The following FREM2 variants were observed in gnomAD, a reference collection of about 807,000 sequenced individuals.
FREM2 encodes FRAS1 related extracellular matrix 2.
Under a neutral mutation model 219.9 loss-of-function variants are expected in FREM2, and 119 were observed. The ratio of observed to expected loss-of-function variants is 0.54; its 90% CI spans 0.47 to 0.63. The LOEUF is 0.63. Ranked by LOEUF, FREM2 falls within the 30% of genes least tolerant of loss-of-function variation. The pLI is 0.00. For synonymous variants in FREM2, 1,562 were observed against 1,522.8 expected (o/e 1.03, Z -0.60); for missense variants, 4,030 against 3,993.6 (o/e 1.01, Z -0.25).
chr13:38,885,961 T>C lies in FREM2; in HGVS notation c.*5174T>C, dbSNP rs902819977. The C allele has an allele frequency of 6.6e-6, 1 of 152,222 alleles. No homozygotes were observed. The highest frequency in any genetic ancestry group is 2.4e-5 in the African/African-American group (1 of 41,474). 9.4% of individuals were successfully genotyped at this position (152,222 alleles called of 1,614,324 possible). A position where few individuals can be genotyped will look rare whatever the true frequency, so the allele number is the denominator to read the frequency against. On this transcript the variant is annotated 3_prime_UTR_variant, in exon 24 of 24. Transcript: ENST00000280481. ...AACAGCGTTGAAGTTTTTAAAATTA[T>C]AATTATCAAATGCACAATGTTCTTT...
chr13:38,830,730 TTTTCCTCTTCAATGCTGCCAAGCA>T (rs145216575), intron 6 of FREM2, among the ~76,000 whole-genome samples: 2,745 of 152,268 alleles, frequency 0.018, 95 homozygotes, highest in African/African-American at 0.063. Context: ...TCTGAGATGC[TTTTCCTCTTCAATGCTGCCAAGCA>T]TTGAAGGTCC....
In FREM2 at chr13:38,754,895, G is replaced by GATTATTATTATT. The variant is rs1246110589; in HGVS notation, c.5264-9407_5264-9406insTATTATTATTAT. On this transcript the variant is annotated intron_variant, in intron 2 of 23. Coordinates refer to ENST00000280481, the MANE Select transcript of FREM2 (RefSeq NM_207361.6). Reference sequence around the variant, plus strand: ...TGATGATGATGATGATGATGATGATGATGATGATTATTATTATTATTATTA... The same window carrying GATTATTATTATT: ...TGATGATGATGATGATGATGATGATGATTATTATTATTATGATGATTATTATTATTATTATTA... Among the ~76,000 whole-genome samples the GATTATTATTATT allele has an allele frequency of 4.4e-3, 435 of 99,750 alleles. 1 individual carries two copies. The highest frequency in any genetic ancestry group is 7.5e-3 in the African/African-American group (201 of 26,792). The allele number at this position is 99,750 out of a possible 152,430, so 65.4% of individuals were successfully genotyped here. A position where few individuals can be genotyped will look rare whatever the true frequency, so the allele number is the denominator to read the frequency against.
chr13:38,799,897 A>G (rs1874945390), intron 6 of FREM2, among the ~76,000 whole-genome samples: 1 of 152,074 alleles, frequency 6.6e-6, no homozygotes, highest in South Asian at 2.1e-4. Context: ...GGCAGCATAT[A>G]TTTGAATTGT....
intron 2 of FREM2, among the ~76,000 whole-genome samples, chr13:38,737,161 CCTTCATT>C (rs1872033071): frequency 6.6e-6 from 1 of 152,126 alleles, no homozygotes; most frequent in African/African-American, 2.4e-5. Context: ...GACTATGTCA[CCTTCATT>C]TTTGCATCTG....
At chr13:38,874,370 TG>T in intron 17 of FREM2, 111 bp from the exon 18 acceptor site, 1 of 810,062 alleles carries the variant, frequency 1.2e-6, no homozygotes, top group East Asian at 2.5e-5. Flanking sequence ...TAATACCCTT[TG>T]CCCAGAATGT....
At chr13:38,710,605 A>T (rs891794332) in intron 2 of FREM2, among the ~76,000 whole-genome samples, 5 of 152,208 alleles carry the variant, frequency 3.3e-5, no homozygotes, top group African/African-American at 7.2e-5. Flanking sequence ...CAACTGCGAG[A>T]GCTGTTTCAT....
At chr13:38,795,267 GA>G (rs1399445458) in intron 6 of FREM2, among the ~76,000 whole-genome samples, 1 of 151,794 alleles carries the variant, frequency 6.6e-6, no homozygotes, top group Non-Finnish European at 1.5e-5. Context: ...TTGGAGTAGG[GA>G]AAATGTTCAA....
intron 18 of FREM2, among the ~76,000 whole-genome samples, chr13:38,875,546 A>G (rs1878312535): frequency 6.6e-6 from 1 of 152,234 alleles, no homozygotes; most frequent in South Asian, 2.1e-4. Flanking sequence ...ATCTTTGTGT[A>G]GCCATGATTG....
intron 4 of FREM2, among the ~76,000 whole-genome samples, chr13:38,771,073 T>G (rs1045374719): frequency 6.6e-6 from 1 of 152,164 alleles, no homozygotes; most frequent in Non-Finnish European, 1.5e-5. Context: ...GAGACCTGTG[T>G]GGAAATCCCT....
intron 2 of FREM2, among the ~76,000 whole-genome samples, chr13:38,730,471 G>A (rs1871719686): frequency 1.3e-5 from 2 of 152,214 alleles, no homozygotes. Flanking sequence ...AGGGAGCCCT[G>A]TGAGCTTTCG....
chr13:38,690,046 C>A lies in FREM2; in HGVS notation c.2702C>A (p.Ser901Tyr), dbSNP rs1301947557. ...HLEDIKQGRV[S>Y]YAHNGDKSLT... ...GAGGACATAAAACAGGGCCGAGTTT[C>A]CTATGCCCATAATGGGGACAAGTCC... The change falls in exon 1 of 24, where the codon TCC becomes TAC. Residue 901 changes from serine (S) to tyrosine (Y), a missense_variant. Coordinates refer to ENST00000280481, the MANE Select transcript of FREM2 (RefSeq NM_207361.6). The A allele has an allele frequency of 6.2e-7, 1 of 1,613,926 alleles. No homozygotes were observed. The highest frequency in any genetic ancestry group is 8.5e-7 in the Non-Finnish European group (1 of 1,179,998).
chr13:38,780,520 C>T (rs938009277), intron 4 of FREM2, among the ~76,000 whole-genome samples: 3 of 152,208 alleles, frequency 2.0e-5, no homozygotes, highest in Admixed American at 2.0e-4. Flanking sequence ...CTTTATCTTA[C>T]AGCAGTCACA....
chr13:38,738,565 CAAAAAAAAAAA>C lies in FREM2; in HGVS notation c.5264-25723_5264-25713del, dbSNP rs71074478. Among the ~76,000 whole-genome samples the C allele has an allele frequency of 1.3e-3, 65 of 48,474 alleles. 1 individual carries two copies. The highest frequency in any genetic ancestry group is 4.0e-3 in the African/African-American group (61 of 15,220). The allele number at this position is 48,474 out of a possible 152,430, so 31.8% of individuals were successfully genotyped here. A position where few individuals can be genotyped will look rare whatever the true frequency, so the allele number is the denominator to read the frequency against. On this transcript the variant is annotated intron_variant, in intron 2 of 23. Coordinates refer to ENST00000280481, the MANE Select transcript of FREM2 (RefSeq NM_207361.6). ...TGGGCAACAGAGTGAGACTCCATCT[CAAAAAAAAAAA>C]AAAAAAAAAAAAAAAGAGAGATAGA...
intron 6 of FREM2, among the ~76,000 whole-genome samples, chr13:38,814,458 T>A (rs754680863): frequency 6.6e-6 from 1 of 152,206 alleles, no homozygotes. Context: ...GTTCTCTGGA[T>A]TACAAGGCAG....
chr13:38,782,792 G>A (rs1685730672), intron 4 of FREM2, among the ~76,000 whole-genome samples: 2 of 152,222 alleles, frequency 1.3e-5, no homozygotes, highest in Admixed American at 1.3e-4. Flanking sequence ...TATAAAAACT[G>A]TGTCAGCATG....
intron 6 of FREM2, among the ~76,000 whole-genome samples, chr13:38,822,269 G>T (rs150620571): frequency 1.3e-5 from 2 of 151,632 alleles, no homozygotes; most frequent in East Asian, 1.9e-4. Flanking sequence ...CAAACAATGG[G>T]TTTCACAGGC....
intron 18 of FREM2, among the ~76,000 whole-genome samples, chr13:38,875,161 T>C (rs1199554872): frequency 1.5e-5 from 1 of 67,912 alleles, no homozygotes. Context: ...TTTTTTGTTT[T>C]TTTTTAACAA....
chr13:38,860,203 G>A (rs916351642), intron 14 of FREM2, among the ~76,000 whole-genome samples: 1 of 152,104 alleles, frequency 6.6e-6, no homozygotes, highest in Non-Finnish European at 1.5e-5. Context: ...GTAGGATTTT[G>A]CTGGGGACGG....
chr13:38,737,444 TAG>T (rs1872043600), intron 2 of FREM2, among the ~76,000 whole-genome samples: 1 of 152,232 alleles, frequency 6.6e-6, no homozygotes, highest in Admixed American at 6.5e-5. Context: ...GAATGTTTGC[TAG>T]AGATTATCCA....
Sources: gnomAD v4.1 joint callset for allele counts (sites outside exome capture counted in the v4.1 genomes callset) on GRCh38, gnomAD v4.1.1 for gene constraint, MANE v1.5 for transcripts, NCBI Gene and HGNC (gene_info 2026-07-23, HGNC 2026-07-21) for gene names.